The following CCDC172 variants were observed in gnomAD, a reference collection of about 807,000 sequenced individuals.
The protein encoded by CCDC172 is coiled-coil domain-containing protein 172.
In CCDC172, 30 loss-of-function variants were observed where a neutral mutation model predicts 38.0. The ratio of observed to expected loss-of-function variants is 0.79; its 90% confidence interval spans 0.59 to 1.07. The LOEUF is 1.07. CCDC172 is among the 50% of genes least tolerant of loss of function. CCDC172 has a pLI of 0.00. For synonymous variants in CCDC172, 78 were observed against 88.3 expected (o/e 0.88, Z 0.66); for missense variants, 297 against 290.1 (o/e 1.02, Z -0.17).
chr10:116,372,775 G>C (rs1845200963), intron 7 of CCDC172, among the ~76,000 whole-genome samples: 1 of 151,970 alleles, frequency 6.6e-6, no homozygotes, highest in Non-Finnish European at 1.5e-5. Flanking sequence ...AGGAAGGAAG[G>C]CAGAAAGAGA....
intron 7 of CCDC172, among the ~76,000 whole-genome samples, chr10:116,365,396 T>C (rs1845111613): frequency 6.6e-6 from 1 of 152,168 alleles, no homozygotes. Flanking sequence ...GAACCTGTAG[T>C]CCATTTGAAG....
Position 116,379,526 on chromosome 10 carries a change from A to G in CCDC172, c.*168A>G, listed in dbSNP as rs1845286898. 2 of 422,266 alleles carry G rather than the reference A, an allele frequency of 4.7e-6. No homozygotes were observed. The highest frequency in any genetic ancestry group is 4.4e-4 in the Middle Eastern group (1 of 2,280). The allele number at this position is 422,266 out of a possible 1,614,324, so 26.2% of individuals were successfully genotyped here. A position where few individuals can be genotyped will look rare whatever the true frequency, so the allele number is the denominator to read the frequency against. ...AGAAATGATGTGTTAGCCCTTTAAGATAATTTTTGTCTTGTTACTCAAACT... is the reference window on the plus strand; with the variant it reads ...AGAAATGATGTGTTAGCCCTTTAAGGTAATTTTTGTCTTGTTACTCAAACT... On this transcript the variant is annotated 3_prime_UTR_variant, in exon 9 of 9. Transcript: ENST00000333254.
intron 4 of CCDC172, 113 bp downstream of exon 4, chr10:116,340,963 T>C (rs1844786555): frequency 4.2e-6 from 3 of 711,862 alleles, no homozygotes; most frequent in Non-Finnish European, 7.5e-6. Flanking sequence ...CAGGTAGTAC[T>C]GCTCAGATAC....
intron 5 of CCDC172, among the ~76,000 whole-genome samples, chr10:116,351,174 T>G (rs1844926531): frequency 2.0e-5 from 3 of 152,170 alleles, no homozygotes; most frequent in Admixed American, 2.0e-4. Context: ...TGTGATAGAA[T>G]GTCTGATAAA....
chr10:116,373,000 C>T (rs552268731), intron 7 of CCDC172, among the ~76,000 whole-genome samples: 21 of 152,124 alleles, frequency 1.4e-4, no homozygotes, highest in African/African-American at 2.7e-4. Flanking sequence ...TTCTTGCAAA[C>T]GGACTACATT....
chr10:116,347,718 G>A (rs1280045169), intron 5 of CCDC172, among the ~76,000 whole-genome samples: 2 of 152,064 alleles, frequency 1.3e-5, no homozygotes, highest in African/African-American at 4.8e-5. Flanking sequence ...TGTTCTAAAA[G>A]TATCAGCCAG....
intron 3 of CCDC172, among the ~76,000 whole-genome samples, chr10:116,328,163 TA>T (rs1844613570): frequency 6.6e-6 from 1 of 152,088 alleles, no homozygotes; most frequent in Admixed American, 6.6e-5. Context: ...AGCATGTAAT[TA>T]GAACTTGAAT....
chr10:116,357,630 G>A (rs1429280825), intron 6 of CCDC172, 149 bp downstream of exon 6: 34 of 825,718 alleles, frequency 4.1e-5, no homozygotes, highest in Non-Finnish European at 5.5e-5. Flanking sequence ...ACTAATCAAC[G>A]TGAGATCTGA....
At chr10:116,356,577 G>T (rs1377028708) in intron 5 of CCDC172, among the ~76,000 whole-genome samples, 2 of 152,030 alleles carry the variant, frequency 1.3e-5, no homozygotes, top group African/African-American at 2.4e-5. Flanking sequence ...CAACATAAAA[G>T]AATCTAATAA....
At chr10:116,353,149 C>T (rs753070817) in intron 5 of CCDC172, among the ~76,000 whole-genome samples, 11 of 151,694 alleles carry the variant, frequency 7.3e-5, no homozygotes, top group Admixed American at 1.3e-4. Context: ...GCCGAGATCG[C>T]GCCACTGCAC....
intron 3 of CCDC172, among the ~76,000 whole-genome samples, chr10:116,335,365 A>G (rs2134911556): frequency 6.6e-6 from 1 of 150,778 alleles, no homozygotes; most frequent in South Asian, 2.1e-4. Flanking sequence ...CTATTAATCT[A>G]TTTGTTTTGG....
intron 7 of CCDC172, among the ~76,000 whole-genome samples, chr10:116,374,905 AG>A (rs1845227786): frequency 6.6e-6 from 1 of 151,088 alleles, no homozygotes; most frequent in Non-Finnish European, 1.5e-5. Flanking sequence ...AAAAAAAAAA[AG>A]AATGGAAAGC....
At chr10:116,346,934 A>C (rs1844874783) in intron 5 of CCDC172, among the ~76,000 whole-genome samples, 1 of 152,202 alleles carries the variant, frequency 6.6e-6, no homozygotes, top group Non-Finnish European at 1.5e-5. Flanking sequence ...AAGGAGAAGC[A>C]CAAGATGATA....
At chr10:116,325,173 T>C (rs1844575472) in intron 2 of CCDC172, 83 bp downstream of exon 2, 5 of 1,523,836 alleles carry the variant, frequency 3.3e-6, no homozygotes, top group Non-Finnish European at 4.5e-6. Flanking sequence ...CCGAAGGCAG[T>C]GGTCAGAGCC....
At chr10:116,331,105 T>C (rs941184206) in intron 3 of CCDC172, among the ~76,000 whole-genome samples, 1 of 152,206 alleles carries the variant, frequency 6.6e-6, no homozygotes, top group Non-Finnish European at 1.5e-5. Flanking sequence ...AACTCCTTTT[T>C]CTAATTTGTT....
At chr10:116,326,242 A>G (rs188568387) in intron 3 of CCDC172, among the ~76,000 whole-genome samples, 1 of 152,332 alleles carries the variant, frequency 6.6e-6, no homozygotes, top group East Asian at 1.9e-4. Context: ...CTTTAAAAAT[A>G]AAAGGTAGTT....
intron 7 of CCDC172, among the ~76,000 whole-genome samples, chr10:116,368,835 C>T (rs1035866796): frequency 6.6e-6 from 1 of 152,002 alleles, no homozygotes; most frequent in Non-Finnish European, 1.5e-5. Context: ...TCTCCTCCAA[C>T]TCAAATCTAA....
At chr10:116,372,254 TA>T (rs1362892774) in intron 7 of CCDC172, among the ~76,000 whole-genome samples, 18 of 152,260 alleles carry the variant, frequency 1.2e-4, no homozygotes, top group Middle Eastern at 3.4e-3. Context: ...CATTTTTAAT[TA>T]AAAAATTTTG....
chr10:116,340,017 C>T (rs1278214660), intron 3 of CCDC172, among the ~76,000 whole-genome samples: 1 of 151,938 alleles, frequency 6.6e-6, no homozygotes, highest in Non-Finnish European at 1.5e-5. Context: ...AGAAAAATTA[C>T]AGTATTTCCA....
Sources: allele counts gnomAD v4.1 joint callset (sites outside exome capture counted in the v4.1 genomes callset), GRCh38; gene constraint gnomAD v4.1.1; transcripts MANE v1.5; gene names NCBI Gene and HGNC (gene_info 2026-07-23, HGNC 2026-07-21).